The following ZNF385D variants were observed in gnomAD, a reference collection of about 807,000 sequenced individuals.
ZNF385D encodes the protein zinc finger protein 385D.
In ZNF385D, 15 loss-of-function variants were observed where a neutral mutation model predicts 35.8. That is an observed-to-expected ratio of 0.42 (90% CI 0.28 to 0.64). ZNF385D has a LOEUF of 0.64. ZNF385D is among the 30% of genes least tolerant of loss of function. The pLI is 0.23. For missense variants in ZNF385D, 474 were observed against 494.6 expected, an observed-to-expected ratio of 0.96 and a Z score of 0.39; for synonymous variants, 212 against 186.8, an observed-to-expected ratio of 1.13 and a Z score of -1.10.
At chr3:22,182,046 T>C (rs904121757) in intron 2 of ZNF385D, among the ~76,000 whole-genome samples, 3 of 152,034 alleles carry the variant, frequency 2.0e-5, no homozygotes, top group African/African-American at 4.8e-5. Flanking sequence ...TGAAAACACA[T>C]CCCTGCCTAT....
chr3:22,226,113 A>C (rs17011043), intron 2 of ZNF385D, among the ~76,000 whole-genome samples: 2,955 of 152,204 alleles, frequency 0.019, 55 homozygotes, highest in South Asian at 0.1. Flanking sequence ...CTCCCAAAGT[A>C]AATGGAACTA....
intron 2 of ZNF385D, among the ~76,000 whole-genome samples, chr3:22,278,915 C>A (rs1026081539): frequency 5.3e-5 from 8 of 152,064 alleles, no homozygotes; most frequent in Non-Finnish European, 8.8e-5. Flanking sequence ...CAGTTTTCTC[C>A]TGCATCTCCC....
intron 3 of ZNF385D, among the ~76,000 whole-genome samples, chr3:22,063,029 T>C (rs1234587243): frequency 6.6e-6 from 1 of 152,044 alleles, no homozygotes; most frequent in Non-Finnish European, 1.5e-5. Flanking sequence ...TTACACGGGA[T>C]AATTTTTTTT....
chr3:21,870,010 T>G (rs942298896), intron 3 of ZNF385D, among the ~76,000 whole-genome samples: 24 of 152,278 alleles, frequency 1.6e-4, no homozygotes, highest in Admixed American at 4.6e-4. Context: ...GTGGATTTTT[T>G]TTTAAAAAAC....
intron 3 of ZNF385D, among the ~76,000 whole-genome samples, chr3:22,034,375 A>G (rs1698189836): frequency 6.6e-6 from 1 of 152,098 alleles, no homozygotes; most frequent in South Asian, 2.1e-4. Context: ...CCCTGATTTC[A>G]ACTTCCAGCC....
At chr3:21,939,134 T>C (rs1277291689) in intron 3 of ZNF385D, among the ~76,000 whole-genome samples, 5 of 152,202 alleles carry the variant, frequency 3.3e-5, no homozygotes, top group African/African-American at 1.2e-4. Flanking sequence ...TAATGTGCTG[T>C]CATTACTAGG....
In ZNF385D at chr3:21,934,457, A is replaced by G. The variant is rs187984463; in HGVS notation, c.325+234360T>C. Among the ~76,000 whole-genome samples the G allele has an allele frequency of 9.2e-5, 14 of 152,272 alleles. No individual in the cohort carries two copies. In the East Asian group the frequency reaches 2.5e-3, roughly 27 times the overall value. Reference sequence around the variant, plus strand: ...ATTAGTAGCAACCACCATCAATTATATATTCTGAGGTTAGTAATAATAATT... The same window carrying G: ...ATTAGTAGCAACCACCATCAATTATGTATTCTGAGGTTAGTAATAATAATT... On this transcript the variant is annotated intron_variant, in intron 3 of 5. Transcript: ENST00000494108.
intron 3 of ZNF385D, among the ~76,000 whole-genome samples, chr3:21,988,910 C>T (rs9310674): frequency 0.067 from 10,220 of 152,118 alleles, 1,065 homozygotes; most frequent in African/African-American, 0.23. Context: ...GTGCAATATT[C>T]GGGTGGGAGT....
chr3:22,118,386 A>G (rs942039915), intron 3 of ZNF385D, among the ~76,000 whole-genome samples: 3 of 152,088 alleles, frequency 2.0e-5, no homozygotes, highest in African/African-American at 7.2e-5. Flanking sequence ...TATAAATATA[A>G]GTAGAAATCC....
rs1380386001 is a variant in ZNF385D at position 21,416,810 on chromosome 3, G to A, written c.*4404C>T. 2 of 152,084 alleles carry A rather than the reference G, an allele frequency of 1.3e-5. No individual in the cohort carries two copies. Among genetic ancestry groups the A allele is most frequent in the Non-Finnish European group, 2.9e-5 (2 of 67,992 alleles). The allele number at this position is 152,084 out of a possible 1,614,324, so 9.4% of individuals were successfully genotyped here. On this transcript the variant is annotated 3_prime_UTR_variant, in exon 8 of 8. Coordinates refer to ENST00000281523, the MANE Select transcript of ZNF385D (RefSeq NM_024697.3). ...GCAAACGCAGGACAGAATTAGTTAT[G>A]GCTTAGTCGGGACCCCTTCCTATTG... is the stretch of plus-strand genomic sequence containing the variant.
chr3:22,185,565 T>C (rs1450013274), intron 2 of ZNF385D, among the ~76,000 whole-genome samples: 1 of 152,108 alleles, frequency 6.6e-6, no homozygotes, highest in Non-Finnish European at 1.5e-5. Context: ...CCTCCCGGGT[T>C]CAAGCAATTC....
chr3:22,238,915 C>T (rs1699338618), intron 2 of ZNF385D, among the ~76,000 whole-genome samples: 1 of 149,860 alleles, frequency 6.7e-6, no homozygotes, highest in South Asian at 2.2e-4. Flanking sequence ...TTTGCAGAGA[C>T]AGGGTCTTGC....
At chr3:22,370,260 C>T (rs960199273) in intron 2 of ZNF385D, among the ~76,000 whole-genome samples, 1 of 152,232 alleles carries the variant, frequency 6.6e-6, no homozygotes, top group Admixed American at 6.5e-5. Context: ...TATAGTCACA[C>T]AAATATGATG....
At chr3:22,076,268 G>A (rs966394442) in intron 3 of ZNF385D, among the ~76,000 whole-genome samples, 1 of 151,618 alleles carries the variant, frequency 6.6e-6, no homozygotes, top group African/African-American at 2.4e-5. Context: ...CTCCATTATT[G>A]TGGCCTGGTC....
intron 1 of ZNF385D, among the ~76,000 whole-genome samples, chr3:21,706,217 T>C (rs2067892982): frequency 1.3e-5 from 2 of 151,722 alleles, no homozygotes; most frequent in South Asian, 4.2e-4. Flanking sequence ...GATTTCACAC[T>C]GGCAAAACAA....
chr3:21,751,082 G>C lies in ZNF385D; in HGVS notation c.-166C>G, dbSNP rs903773783. The stretch of plus-strand genomic sequence containing the variant: ...TCCTCCGCGGGATGAGCGCCTTGCA[G>C]GCTGCCTTTCCAGGGCTAAGATCCC... On this transcript the variant is annotated 5_prime_UTR_variant, in exon 1 of 8. Coordinates refer to ENST00000281523, the MANE Select transcript of ZNF385D (RefSeq NM_024697.3). The C allele has an allele frequency of 7.8e-5, 117 of 1,502,204 alleles. 1 individual carries two copies. The Middle Eastern group carries it at 1.5e-3, about 19-fold the overall frequency. 93.1% of individuals were successfully genotyped at this position (1,502,204 alleles called of 1,614,324 possible). A position where few individuals can be genotyped will look rare whatever the true frequency, so the allele number is the denominator to read the frequency against.
intron 2 of ZNF385D, among the ~76,000 whole-genome samples, chr3:22,276,450 G>C (rs565561848): frequency 1.3e-5 from 2 of 152,140 alleles, no homozygotes; most frequent in African/African-American, 4.8e-5. Context: ...AAAGTTATAA[G>C]TCCTGCATCT....
At chr3:21,984,243 G>A (rs1169940565) in intron 3 of ZNF385D, among the ~76,000 whole-genome samples, 3 of 147,430 alleles carry the variant, frequency 2.0e-5, no homozygotes, top group African/African-American at 5.4e-5. Context: ...CCTTGGCCAC[G>A]CCTATGTCCT....
At chr3:21,546,839 C>T (rs1248868436) in intron 3 of ZNF385D, among the ~76,000 whole-genome samples, 1 of 151,716 alleles carries the variant, frequency 6.6e-6, no homozygotes, top group African/African-American at 2.4e-5. Context: ...TTCTCTAGCC[C>T]CCCCCGCTTC....
Sources: gnomAD v4.1 joint callset for allele counts (sites outside exome capture counted in the v4.1 genomes callset) on GRCh38, gnomAD v4.1.1 for gene constraint, MANE v1.5 for transcripts, NCBI Gene and HGNC (gene_info 2026-07-23, HGNC 2026-07-21) for gene names.